Variants in AUTS2 observed in about 807,000 individuals in gnomAD.
AUTS2 encodes activator of transcription and developmental regulator AUTS2, also known as autism susceptibility gene 2 protein.
A neutral mutation model predicts 112.4 loss-of-function variants in AUTS2; 17 were observed. That is an observed-to-expected ratio of 0.15 (90% CI 0.10 to 0.23). AUTS2 has a LOEUF of 0.23. Ranked by LOEUF, AUTS2 falls within the 10% of genes least tolerant of loss-of-function variation. The pLI, the probability that AUTS2 is intolerant of heterozygous loss-of-function variation, is 1.00. For synonymous variants in AUTS2, 751 were observed against 702.7 expected, an observed-to-expected ratio of 1.07 and a Z score of -1.09; for missense variants, 1,510 against 1,701.6, an observed-to-expected ratio of 0.89 and a Z score of 1.98.
chr7:69,724,548 C>T (rs1358300531), intron 1 of AUTS2, among the ~76,000 whole-genome samples: 8 of 152,138 alleles, frequency 5.3e-5, no homozygotes, highest in South Asian at 4.1e-4. Flanking sequence ...GCACTTTTAA[C>T]GGCACAGAAA....
At chr7:69,805,021 A>G (rs966398037) in intron 1 of AUTS2, among the ~76,000 whole-genome samples, 4 of 152,172 alleles carry the variant, frequency 2.6e-5, no homozygotes, top group East Asian at 1.9e-4. Context: ...TAACTTTTAT[A>G]TGAGAGAGGA....
chr7:70,417,610 G>A (rs1440840673), intron 4 of AUTS2, among the ~76,000 whole-genome samples: 5 of 152,188 alleles, frequency 3.3e-5, no homozygotes, highest in African/African-American at 9.7e-5. Flanking sequence ...GTGGAGTGTG[G>A]TTCAGAAGCT....
chr7:70,006,954 G>A (rs536402521), intron 2 of AUTS2, among the ~76,000 whole-genome samples: 120 of 152,254 alleles, frequency 7.9e-4, no homozygotes, highest in African/African-American at 2.7e-3. Context: ...TTGAATCCAG[G>A]ATGGGAGTTG....
chr7:70,162,512 T>C (rs1285611988), intron 4 of AUTS2, among the ~76,000 whole-genome samples: 1 of 142,574 alleles, frequency 7.0e-6, no homozygotes, highest in Non-Finnish European at 1.5e-5. Context: ...TTTGTGCAAC[T>C]GATCATGAAG....
At chr7:70,677,767 T>A (rs1011363627) in intron 5 of AUTS2, among the ~76,000 whole-genome samples, 3 of 152,098 alleles carry the variant, frequency 2.0e-5, no homozygotes, top group African/African-American at 7.2e-5. Context: ...TATCAGGTTC[T>A]ACCTTATAAA....
intron 4 of AUTS2, among the ~76,000 whole-genome samples, chr7:70,284,633 A>G (rs1161289954): frequency 6.6e-6 from 1 of 152,252 alleles, no homozygotes; most frequent in Non-Finnish European, 1.5e-5. Flanking sequence ...AATAGAAAGC[A>G]CAGCAGGTCA....
intron 4 of AUTS2, among the ~76,000 whole-genome samples, chr7:70,220,207 G>A (rs1036942362): frequency 6.6e-6 from 1 of 152,096 alleles, no homozygotes; most frequent in African/African-American, 2.4e-5. Context: ...TTGATTTTAT[G>A]TAATTTTTAT....
intron 1 of AUTS2, among the ~76,000 whole-genome samples, chr7:69,818,717 G>A (rs772549559): frequency 6.6e-6 from 1 of 152,116 alleles, no homozygotes; most frequent in Non-Finnish European, 1.5e-5. Flanking sequence ...TCTTTGCTTT[G>A]TGTTTTCCAA....
rs61651585 is a variant in AUTS2 at position 70,590,148 on chromosome 7, G to GTA, written c.691-108420_691-108419insAT. 9.5e-3 allele frequency among the ~76,000 whole-genome samples: 1,109 copies of GTA among 117,140 alleles called. 20 individuals carry two copies. The highest frequency in any genetic ancestry group is 0.037 in the African/African-American group (1,060 of 28,764). 76.8% of individuals were successfully genotyped at this position (117,140 alleles called of 152,430 possible). A position where few individuals can be genotyped will look rare whatever the true frequency, so the allele number is the denominator to read the frequency against. On this transcript the variant is annotated intron_variant, in intron 5 of 18. Transcript: ENST00000342771. ...TGTGTGTGTGTGTGTGTGTGTGTGTGTGTATGTATGTATATATATATATAT... is the reference window on the plus strand; with the variant it reads ...TGTGTGTGTGTGTGTGTGTGTGTGTGTATGTATGTATGTATATATATATATAT...
chr7:70,414,332 A>C (rs1230833965), intron 4 of AUTS2, among the ~76,000 whole-genome samples: 2 of 152,208 alleles, frequency 1.3e-5, no homozygotes, highest in Non-Finnish European at 2.9e-5. Context: ...TAATCAAAGC[A>C]CCAGCAAAGC....
chr7:70,488,445 TCATTTTCTGTTTCTTTTTGG>T (rs1798104792), intron 5 of AUTS2, among the ~76,000 whole-genome samples: 1 of 152,266 alleles, frequency 6.6e-6, no homozygotes, highest in Admixed American at 6.5e-5. Flanking sequence ...GGAGCTGTCC[TCATTTTCTGTTTCTTTTTGG>T]CATTTTCTGT....
intron 1 of AUTS2, among the ~76,000 whole-genome samples, chr7:69,670,979 A>AT (rs1244126814): frequency 6.6e-6 from 1 of 152,262 alleles, no homozygotes; most frequent in East Asian, 1.9e-4. Flanking sequence ...AACATCTGGC[A>AT]TCATTCACAA....
intron 4 of AUTS2, among the ~76,000 whole-genome samples, chr7:70,382,778 T>C (rs1324319752): frequency 6.6e-6 from 1 of 152,170 alleles, no homozygotes; most frequent in Non-Finnish European, 1.5e-5. Context: ...TTCATTTGAG[T>C]GTAGTCATCA....
chr7:70,313,565 G>T (rs1789854746), intron 4 of AUTS2, among the ~76,000 whole-genome samples: 3 of 152,144 alleles, frequency 2.0e-5, no homozygotes, highest in Admixed American at 2.0e-4. Flanking sequence ...TGCTGACATT[G>T]GCACAATAGC....
chr7:70,528,857 C>T (rs564397964), intron 5 of AUTS2, among the ~76,000 whole-genome samples: 175 of 151,546 alleles, frequency 1.2e-3, no homozygotes, highest in African/African-American at 4.0e-3. Context: ...ACAGTGAGCC[C>T]CAGGGCACAA....
At chr7:70,171,116 C>T (rs996799091) in intron 4 of AUTS2, among the ~76,000 whole-genome samples, 1 of 152,158 alleles carries the variant, frequency 6.6e-6, no homozygotes, top group Non-Finnish European at 1.5e-5. Context: ...ATTGATTACA[C>T]TGTATGGCTA....
At chr7:70,736,207 A>T (rs1005118714) in intron 6 of AUTS2, among the ~76,000 whole-genome samples, 1 of 151,846 alleles carries the variant, frequency 6.6e-6, no homozygotes, top group African/African-American at 2.4e-5. Flanking sequence ...TTCATCAGAT[A>T]GTTAGGTCTT....
At chr7:70,101,885 T>TA (rs1232272530) in intron 2 of AUTS2, among the ~76,000 whole-genome samples, 1 of 152,182 alleles carries the variant, frequency 6.6e-6, no homozygotes, top group East Asian at 1.9e-4. Flanking sequence ...TATAGTCTCT[T>TA]ACTCTTTTAT....
intron 5 of AUTS2, among the ~76,000 whole-genome samples, chr7:70,683,133 A>G (rs1232305128): frequency 6.6e-6 from 1 of 152,244 alleles, no homozygotes; most frequent in Non-Finnish European, 1.5e-5. Context: ...GAGCAACCAC[A>G]ATGGTTAATG....
Sources: gnomAD v4.1 joint callset for allele counts (sites outside exome capture counted in the v4.1 genomes callset) on GRCh38, gnomAD v4.1.1 for gene constraint, MANE v1.5 for transcripts, NCBI Gene and HGNC (gene_info 2026-07-23, HGNC 2026-07-21) for gene names.